The following ZNF831 variants were observed in gnomAD, a reference collection of about 807,000 sequenced individuals.
ZNF831 encodes zinc finger protein 831.
ZNF831 carries 59 observed loss-of-function variants against 95.8 expected under a neutral mutation model. The observed-to-expected ratio is 0.62, with a 90% CI of 0.50 to 0.77. The LOEUF is 0.77. Ranked by LOEUF, ZNF831 falls within the 30% of genes least tolerant of loss-of-function variation. The probability of loss-of-function intolerance (pLI) is 0.00; values close to 1 mark genes in which losing one functional copy is unlikely to be tolerated. For missense variants in ZNF831, 2,205 were observed against 2,164.0 expected (o/e 1.02, Z -0.38); for synonymous variants, 961 against 925.5 (o/e 1.04, Z -0.70).
chr20:59,206,907 A>G lies in ZNF831; in HGVS notation c.3878A>G (p.Tyr1293Cys). 2 of 1,613,790 alleles carry G rather than the reference A, an allele frequency of 1.2e-6. No homozygotes were observed. Among genetic ancestry groups the G allele is most frequent in the Non-Finnish European group, 1.7e-6 (2 of 1,179,894 alleles). ...QRKLKINPKR[Y>C]KGNFLQSCVQ... ...AAGCATGCTTCTCTCTTCTACAGGT[A>G]CAAAGGGAATTTCTTGCAGAGCTGT... The change falls in exon 4 of 6, where the codon TAC becomes TGC. Residue 1293 changes from tyrosine (Y) to cysteine (C), a missense_variant and splice_region_variant. By Grantham distance (194) the Tyr-to-Cys change is radical (BLOSUM62 -2). Coordinates refer to ENST00000371030, the MANE Select transcript of ZNF831 (RefSeq NM_178457.3).
At chr20:59,143,761 C>T (rs1480218962) in intron 1 of ZNF831, among the ~76,000 whole-genome samples, 1 of 152,184 alleles carries the variant, frequency 6.6e-6, no homozygotes, top group Non-Finnish European at 1.5e-5. Flanking sequence ...TTTTCTTGGC[C>T]TCTAATAATT....
chr20:59,196,838 C>T (rs142298829), intron 3 of ZNF831, among the ~76,000 whole-genome samples: 3,234 of 152,172 alleles, frequency 0.021, 53 homozygotes, highest in Non-Finnish European at 0.032. Context: ...AGTGCAGTGG[C>T]GTGATCTCGG....
rs141938394 is a variant in ZNF831, at chr20:59,184,296, C to T, written c.-36-6688C>T. Reference sequence around the variant, plus strand: ...TGTTTACTGAAGGACATCTTGCTCACGTCCAGGTTTTTGCAATTACAATGC... The same window carrying T: ...TGTTTACTGAAGGACATCTTGCTCATGTCCAGGTTTTTGCAATTACAATGC... On this transcript the variant is annotated intron_variant, in intron 1 of 5. Coordinates refer to ENST00000371030, the MANE Select transcript of ZNF831 (RefSeq NM_178457.3). Among the ~76,000 whole-genome samples the T allele has an allele frequency of 7.9e-4, 120 of 152,278 alleles. 1 individual carries two copies. Among genetic ancestry groups the T allele is most frequent in the Non-Finnish European group, 7.3e-4 (50 of 68,034 alleles).
At chr20:59,148,780 C>G (rs149718934) in intron 2 of ZNF831, among the ~76,000 whole-genome samples, 5 of 143,492 alleles carry the variant, frequency 3.5e-5, no homozygotes, top group Non-Finnish European at 7.5e-5. Flanking sequence ...TCTTGAGGCT[C>G]AATTCCATCC....
intron 1 of ZNF831, among the ~76,000 whole-genome samples, chr20:59,184,604 G>A (rs928992787): frequency 2.0e-5 from 3 of 152,212 alleles, no homozygotes; most frequent in South Asian, 2.1e-4. Context: ...GTCCCCATAC[G>A]TGGCGGAGTG....
upstream of ZNF831, chr20:59,159,902 A>G (rs1243795016): frequency 6.6e-6 from 1 of 152,444 alleles, no homozygotes; most frequent in Admixed American, 6.5e-5. Context: ...CTGGTGCGTA[A>G]GTCTGTGGTC....
intron 1 of ZNF831, among the ~76,000 whole-genome samples, chr20:59,185,700 C>T (rs1330358736): frequency 6.6e-6 from 1 of 152,198 alleles, no homozygotes; most frequent in African/African-American, 2.4e-5. Flanking sequence ...TGTGTCCTGG[C>T]ACCCCTCTTT....
At chr20:59,168,634 G>T (rs1410430529) in intron 1 of ZNF831, among the ~76,000 whole-genome samples, 1 of 151,966 alleles carries the variant, frequency 6.6e-6, no homozygotes, top group African/African-American at 2.4e-5. Flanking sequence ...TCTTCTGAAT[G>T]AGAGTGATGA....
intron 4 of ZNF831, among the ~76,000 whole-genome samples, chr20:59,214,595 G>C (rs1403949164): frequency 6.6e-6 from 1 of 152,194 alleles, no homozygotes; most frequent in Non-Finnish European, 1.5e-5. Flanking sequence ...TTCCCAGTTA[G>C]AGTCTCACTT....
Position 59,194,248 on chromosome 20 carries a change from C to G in ZNF831, c.3229C>G (p.Arg1077Gly), listed in dbSNP as rs200262179. ...GGAGGGTGACAGCCACCGTATCCAT[C>G]GCCTCTGCATGGGCAGCACTTTGGC... ...DMEGDSHRIH[R>G]LCMGSTLARA... is the part of the protein sequence containing the mutation. Residue 1077 changes from arginine (R) to glycine (G), a missense_variant, in exon 2 of 6, where the codon CGC becomes GGC. Coordinates refer to ENST00000371030, the MANE Select transcript of ZNF831 (RefSeq NM_178457.3). The G allele has an allele frequency of 6.2e-7, 1 of 1,614,012 alleles. No individual in the cohort carries two copies. Among genetic ancestry groups the G allele is most frequent in the Admixed American group, 1.7e-5 (1 of 60,022 alleles).
At chr20:59,243,544 C>T (rs908425478) in intron 4 of ZNF831, among the ~76,000 whole-genome samples, 1 of 152,144 alleles carries the variant, frequency 6.6e-6, no homozygotes, top group Admixed American at 6.5e-5. Context: ...TGTCACAAAT[C>T]GCCTCAAAAT....
chr20:59,216,393 G>A (rs1238403551), intron 4 of ZNF831, among the ~76,000 whole-genome samples: 3 of 152,204 alleles, frequency 2.0e-5, no homozygotes. Context: ...CAAGAGTTTC[G>A]GAGGCAGCCT....
At chr20:59,175,081 G>C (rs533019756) in intron 1 of ZNF831, among the ~76,000 whole-genome samples, 1 of 152,104 alleles carries the variant, frequency 6.6e-6, no homozygotes, top group African/African-American at 2.4e-5. Flanking sequence ...CCAAGTTTCT[G>C]ATGAGAACCT....
chr20:59,190,432 T>A (rs998737373), intron 1 of ZNF831, among the ~76,000 whole-genome samples: 1 of 152,232 alleles, frequency 6.6e-6, no homozygotes, highest in Admixed American at 6.5e-5. Flanking sequence ...AGCCTTTCCT[T>A]GCGTCAGTTT....
chr20:59,127,176 G>T (rs1979199664), intron 1 of ZNF831, among the ~76,000 whole-genome samples: 1 of 152,020 alleles, frequency 6.6e-6, no homozygotes, highest in Non-Finnish European at 1.5e-5. Flanking sequence ...CCACCAGCAA[G>T]TCCCCTTGGG....
At chr20:59,126,740 C>T (rs1333261184) in intron 1 of ZNF831, among the ~76,000 whole-genome samples, 4 of 152,232 alleles carry the variant, frequency 2.6e-5, no homozygotes, top group Non-Finnish European at 5.9e-5. Context: ...CCACCTTGCA[C>T]ATGCTTGGTC....
chr20:59,171,667 T>C (rs1409473107), intron 1 of ZNF831, among the ~76,000 whole-genome samples: 1 of 152,146 alleles, frequency 6.6e-6, no homozygotes, highest in Non-Finnish European at 1.5e-5. Flanking sequence ...TATATAAAAA[T>C]TTAAAACATG....
At chr20:59,176,208 A>G (rs1031804826) in intron 1 of ZNF831, among the ~76,000 whole-genome samples, 1 of 152,234 alleles carries the variant, frequency 6.6e-6, no homozygotes, top group Admixed American at 6.5e-5. Flanking sequence ...TGAATGAAAG[A>G]AGCTGGACCA....
intron 4 of ZNF831, among the ~76,000 whole-genome samples, chr20:59,237,514 T>C (rs113234355): frequency 0.084 from 12,779 of 152,154 alleles, 1,402 homozygotes; most frequent in African/African-American, 0.26. Context: ...ACCCGGCTAA[T>C]TTTTCTATTT....
Sources: gnomAD v4.1 joint callset for allele counts (sites outside exome capture counted in the v4.1 genomes callset) on GRCh38, gnomAD v4.1.1 for gene constraint, MANE v1.5 for transcripts, NCBI Gene and HGNC (gene_info 2026-07-23, HGNC 2026-07-21) for gene names.